The following GCH1 variants were observed in gnomAD, a reference collection of about 807,000 sequenced individuals.
The protein encoded by GCH1 is GTP cyclohydrolase 1.
GCH1 carries 5 observed loss-of-function variants against 25.9 expected under a neutral mutation model. The ratio of observed to expected loss-of-function variants is 0.19; its 90% confidence interval spans 0.10 to 0.41. The LOEUF is 0.41. GCH1 is among the 10% of genes least tolerant of loss of function. The pLI is 1.00. For missense variants in GCH1, 261 were observed against 336.5 expected (o/e 0.78, Z 1.75); for synonymous variants, 159 against 129.6 (o/e 1.23, Z -1.54).
intron 1 of GCH1, among the ~76,000 whole-genome samples, chr14:54,878,871 C>T (rs1051120725): frequency 6.6e-6 from 1 of 152,150 alleles, no homozygotes; most frequent in Non-Finnish European, 1.5e-5. Context: ...TCAAGCAATC[C>T]TCCCACCTTG....
chr14:54,846,797 A>C (rs1014343035), intron 4 of GCH1, among the ~76,000 whole-genome samples: 1 of 152,240 alleles, frequency 6.6e-6, no homozygotes, highest in African/African-American at 2.4e-5. Context: ...ACAGTGGCTC[A>C]TGCCTGTAAT....
At chr14:54,866,827 GA>G (rs2039995058) in intron 1 of GCH1, among the ~76,000 whole-genome samples, 1 of 152,148 alleles carries the variant, frequency 6.6e-6, no homozygotes, top group Non-Finnish European at 1.5e-5. Context: ...GTGTGGTCAA[GA>G]AAGGCGAACA....
At position 54,843,366 on chromosome 14, in the gene GCH1, G is replaced by A; in HGVS notation, c.*651C>T. ...GAGAATACACTCGTAAACAACACCAGGAACTAATTCCCTATTCTTGAATTT... is the reference window on the plus strand; with the variant it reads ...GAGAATACACTCGTAAACAACACCAAGAACTAATTCCCTATTCTTGAATTT... On this transcript the variant is annotated 3_prime_UTR_variant, in exon 6 of 6. Transcript: ENST00000491895. The A allele has an allele frequency of 2.4e-6, 3 of 1,266,226 alleles. No homozygotes were observed. The highest frequency in any genetic ancestry group is 3.0e-6 in the Non-Finnish European group (3 of 1,008,124). The allele number at this position is 1,266,226 out of a possible 1,614,324, so 78.4% of individuals were successfully genotyped here.
rs1274662008 is a variant in GCH1 at position 54,872,504 on chromosome 14, C to T, written c.344-7068G>A. ...TCAAATTCACACATAACAATATTAA[C>T]CTTAAATGTAAATGGGCTAAATGCT... is the stretch of plus-strand genomic sequence containing the variant. On this transcript the variant is annotated intron_variant, in intron 1 of 5. Transcript: ENST00000491895. Among the ~76,000 whole-genome samples the T allele has an allele frequency of 3.9e-5, 6 of 152,216 alleles. No homozygotes were observed. In the East Asian group the frequency reaches 1.2e-3, roughly 29 times the overall value.
chr14:54,872,097 G>C (rs998455019), intron 1 of GCH1, among the ~76,000 whole-genome samples: 2 of 152,200 alleles, frequency 1.3e-5, no homozygotes, highest in African/African-American at 4.8e-5. Context: ...CAGCCAGAGA[G>C]AAAGGTCAGG....
intron 2 of GCH1, 89 bp from the exon 3 acceptor site, chr14:54,859,825 C>T: frequency 1.3e-6 from 1 of 761,194 alleles, no homozygotes; most frequent in Admixed American, 1.8e-5. Context: ...GAATATAGTA[C>T]ACTTTTATGT....
In GCH1 at chr14:54,858,375, T is replaced by A. The variant is rs542475896; in HGVS notation, c.509+1306A>T. 3.2e-4 allele frequency among the ~76,000 whole-genome samples: 49 copies of A among 152,284 alleles called. No homozygotes were observed. The South Asian group carries it at 9.7e-3, about 30-fold the overall frequency. ...ATCTCGGCTCACTGCAAGCTCTGCC[T>A]CCCGGGTTCAAGTAATTCTCCTGCC... is the stretch of plus-strand genomic sequence containing the variant. On this transcript the variant is annotated intron_variant, in intron 3 of 5. Coordinates refer to ENST00000491895, the MANE Select transcript of GCH1 (RefSeq NM_000161.3).
At chr14:54,866,232 C>A (rs986988270) in intron 1 of GCH1, among the ~76,000 whole-genome samples, 4 of 152,024 alleles carry the variant, frequency 2.6e-5, no homozygotes, top group Admixed American at 2.6e-4. Flanking sequence ...TCCTAACATT[C>A]GGTGACTGCA....
At chr14:54,855,675 A>G (rs892776474) in intron 3 of GCH1, among the ~76,000 whole-genome samples, 1 of 146,200 alleles carries the variant, frequency 6.8e-6, no homozygotes, top group Non-Finnish European at 1.5e-5. Context: ...TTAGCCAGGC[A>G]TGGTGGTGCA....
Position 54,871,351 on chromosome 14 carries a change from T to C in GCH1, c.344-5915A>G, listed in dbSNP as rs1594996059. 3.9e-5 allele frequency among the ~76,000 whole-genome samples: 6 copies of C among 152,064 alleles called. No individual in the cohort carries two copies. In the South Asian group the frequency reaches 1.2e-3, roughly 32 times the overall value. On this transcript the variant is annotated intron_variant, in intron 1 of 5. Transcript: ENST00000491895. ...TCCACACCAAAATCCCATCTGTACA[T>C]CACCATCATCAAAGACCAAAGGTAG...
intron 3 of GCH1, among the ~76,000 whole-genome samples, chr14:54,848,832 AAAGGAATGGTTTT>A (rs776867153): frequency 1.8e-4 from 27 of 152,354 alleles, no homozygotes; most frequent in Non-Finnish European, 3.4e-4. Context: ...AAAACCTTAG[AAAGGAATGGTTTT>A]TAAGCTCCTA....
chr14:54,845,626 CTTTAGG>C (rs2039630438), intron 5 of GCH1, 136 bp downstream of exon 5: 1 of 716,334 alleles, frequency 1.4e-6, no homozygotes, highest in Non-Finnish European at 2.6e-6. Context: ...GGTAAAAGAG[CTTTAGG>C]CTCAGGGATG....
chr14:54,895,960 C>T (rs1428880013), intron 1 of GCH1, among the ~76,000 whole-genome samples: 1 of 152,134 alleles, frequency 6.6e-6, no homozygotes, highest in Non-Finnish European at 1.5e-5. Context: ...AAAAGGTGCA[C>T]AAGGAGACAG....
intron 2 of GCH1, among the ~76,000 whole-genome samples, chr14:54,861,412 TC>T (rs1247798987): frequency 6.6e-6 from 1 of 152,094 alleles, no homozygotes; most frequent in Non-Finnish European, 1.5e-5. Flanking sequence ...GGTCTTAAGA[TC>T]CTAGGTAATT....
chr14:54,854,296 G>C (rs1385895153), intron 3 of GCH1, among the ~76,000 whole-genome samples: 1 of 152,202 alleles, frequency 6.6e-6, no homozygotes, highest in Non-Finnish European at 1.5e-5. Flanking sequence ...TCAGAGATGA[G>C]AGGCAGGGAG....
chr14:54,860,264 G>C (rs2039875359), intron 2 of GCH1, among the ~76,000 whole-genome samples: 2 of 152,174 alleles, frequency 1.3e-5, no homozygotes, highest in South Asian at 4.1e-4. Flanking sequence ...TTGAACTCTT[G>C]ACACAAATCT....
intron 1 of GCH1, among the ~76,000 whole-genome samples, chr14:54,870,495 C>G (rs1383077159): frequency 2.0e-5 from 3 of 152,114 alleles, no homozygotes; most frequent in Non-Finnish European, 4.4e-5. Context: ...GAGTGTCGGA[C>G]AGTGGGTGCA....
At chr14:54,897,010 G>T (rs112215863) in intron 1 of GCH1, among the ~76,000 whole-genome samples, 44,201 of 114,340 alleles carry the variant, frequency 0.39, 9,888 homozygotes, top group African/African-American at 0.62. Context: ...TCCACTTTTT[G>T]TTTTTTTTTT....
At position 54,845,794 on chromosome 14, in the gene GCH1, A is replaced by G; in HGVS notation, c.600T>C (p.Ala200=). ...AVAITEALRP[A]GVGVVVEATH... is the part of the protein sequence containing the mutation. ...TTGCTTCAACCACTACCCCGACTCC[A>G]GCAGGCCGCAAGGCTTCCGTGATTG... The change falls in exon 5 of 6, where the codon GCT becomes GCC. Residue 200 remains alanine (A), a synonymous_variant. Coordinates refer to ENST00000491895, the MANE Select transcript of GCH1 (RefSeq NM_000161.3). The G allele has an allele frequency of 1.2e-6, 2 of 1,608,858 alleles. No individual in the cohort carries two copies. Among genetic ancestry groups the G allele is most frequent in the South Asian group, 1.1e-5 (1 of 90,976 alleles).
Sources: allele counts gnomAD v4.1 joint callset (sites outside exome capture counted in the v4.1 genomes callset), GRCh38; gene constraint gnomAD v4.1.1; transcripts MANE v1.5; gene names NCBI Gene and HGNC (gene_info 2026-07-23, HGNC 2026-07-21).